Variants in LHPP observed in about 807,000 individuals in gnomAD.
The protein encoded by LHPP is phospholysine phosphohistidine inorganic pyrophosphate phosphatase.
A neutral mutation model predicts 30.3 loss-of-function variants in LHPP; 24 were observed. The observed-to-expected ratio is 0.79, with a 90% CI of 0.57 to 1.11. The LOEUF is 1.11. Among genes scored for constraint, LHPP ranks in the 50% most tolerant of loss-of-function variants. The pLI is 0.00. For synonymous variants in LHPP, 150 were observed against 157.1 expected, an observed-to-expected ratio of 0.95 and a Z score of 0.34; for missense variants, 356 against 367.2, an observed-to-expected ratio of 0.97 and a Z score of 0.25.
chr10:124,607,737 TTTTG>T (rs1203931937), intron 6 of LHPP, among the ~76,000 whole-genome samples: 2 of 152,026 alleles, frequency 1.3e-5, no homozygotes, highest in Non-Finnish European at 2.9e-5. Context: ...CTGGAAGAAT[TTTTG>T]TTCCGCTTCG....
chr10:124,557,357 T>A (rs2133966821), intron 6 of LHPP, among the ~76,000 whole-genome samples: 1 of 152,316 alleles, frequency 6.6e-6, no homozygotes, highest in Admixed American at 6.5e-5. Context: ...CACTCAGTAG[T>A]GCTCACCAAA....
chr10:124,613,514 TGCCCAGACCAACCAAGGCCCTGACA>T lies in LHPP; in HGVS notation c.*159_*183del, dbSNP rs555140388. ...CCTGCCTCCCCTCCACCTGCCCCAG[TGCCCAGACCAACCAAGGCCCTGACA>T]GCCCTGCCTTCTGCCCTCTGCCCTG... On this transcript the variant is annotated 3_prime_UTR_variant, in exon 7 of 7. Coordinates refer to ENST00000368842, the MANE Select transcript of LHPP (RefSeq NM_022126.4). The T allele has an allele frequency of 1.8e-3, 1,166 of 642,568 alleles. 6 individuals are homozygous for T. Among genetic ancestry groups the T allele is most frequent in the Middle Eastern group, 5.7e-3 (14 of 2,438 alleles). The allele number at this position is 642,568 out of a possible 1,614,324, so 39.8% of individuals were successfully genotyped here.
chr10:124,475,458 T>G (rs1952915741), intron 1 of LHPP, among the ~76,000 whole-genome samples: 1 of 151,786 alleles, frequency 6.6e-6, no homozygotes, highest in Admixed American at 6.6e-5. Flanking sequence ...GGAGGATCAC[T>G]TGAACCTGGG....
intron 5 of LHPP, among the ~76,000 whole-genome samples, chr10:124,500,603 C>T (rs925336168): frequency 1.3e-5 from 2 of 151,548 alleles, no homozygotes; most frequent in African/African-American, 4.9e-5. Flanking sequence ...GATGTAAATA[C>T]AATACATTAA....
intron 6 of LHPP, among the ~76,000 whole-genome samples, chr10:124,589,558 G>T (rs898412719): frequency 6.6e-6 from 1 of 152,214 alleles, no homozygotes; most frequent in Admixed American, 6.5e-5. Context: ...GCCGGGAGGA[G>T]CAGGACTGTT....
intron 1 of LHPP, among the ~76,000 whole-genome samples, chr10:124,463,628 G>A (rs1244911532): frequency 2.0e-5 from 3 of 152,046 alleles, no homozygotes; most frequent in Non-Finnish European, 1.5e-5. Flanking sequence ...CTTCTAAAGT[G>A]CTGGGATTAC....
Position 124,467,667 on chromosome 10 carries a change from A to G in LHPP, c.125+5680A>G, listed in dbSNP as rs550450933. 2.0e-3 allele frequency among the ~76,000 whole-genome samples: 302 copies of G among 151,030 alleles called. 2 individuals carry two copies. The highest frequency in any genetic ancestry group is 3.3e-3 in the Non-Finnish European group (226 of 67,828). Reference sequence around the variant, plus strand: ...TTCCCAGATAGCTGGGACTACAGGTATACCTCCACATGCAGGTTTTTCTTT... The same window carrying G: ...TTCCCAGATAGCTGGGACTACAGGTGTACCTCCACATGCAGGTTTTTCTTT... On this transcript the variant is annotated intron_variant, in intron 1 of 6. Coordinates refer to ENST00000368842, the MANE Select transcript of LHPP (RefSeq NM_022126.4).
chr10:124,602,333 C>T (rs1020371730), intron 6 of LHPP, among the ~76,000 whole-genome samples: 4 of 152,240 alleles, frequency 2.6e-5, no homozygotes, highest in Non-Finnish European at 5.9e-5. Flanking sequence ...CACATAGAGA[C>T]GCCACCCACA....
At chr10:124,529,387 C>T (rs922464830) in intron 6 of LHPP, among the ~76,000 whole-genome samples, 1 of 152,128 alleles carries the variant, frequency 6.6e-6, no homozygotes, top group African/African-American at 2.4e-5. Flanking sequence ...CATGCACCCA[C>T]CACTCACGAG....
intron 6 of LHPP, among the ~76,000 whole-genome samples, chr10:124,551,279 G>A (rs1036927685): frequency 1.3e-5 from 2 of 152,118 alleles, no homozygotes; most frequent in Admixed American, 6.5e-5. Flanking sequence ...GCTGGGGCAC[G>A]CCCCAGGTCC....
Position 124,523,581 on chromosome 10 carries a change from T to C in LHPP, c.716+6310T>C, listed in dbSNP as rs12767413. ...GATTTTTCTTCTGTGCTACGTGGAGTGTGAGGGAAGGAAGTGAAACTGGTG... is the reference window on the plus strand; with the variant it reads ...GATTTTTCTTCTGTGCTACGTGGAGCGTGAGGGAAGGAAGTGAAACTGGTG... On this transcript the variant is annotated intron_variant, in intron 6 of 6. Coordinates refer to ENST00000368842, the MANE Select transcript of LHPP (RefSeq NM_022126.4). The surrounding 1 kb of genome is among the most constrained non-coding windows in gnomAD (Gnocchi z 4.2). 0.12 allele frequency among the ~76,000 whole-genome samples: 17,719 copies of C among 151,758 alleles called. 1,429 individuals carry two copies. Among genetic ancestry groups the C allele is most frequent in the Non-Finnish European group, 0.16 (10,850 of 67,928 alleles).
chr10:124,522,424 G>A (rs1156886743), intron 6 of LHPP, among the ~76,000 whole-genome samples: 1 of 152,168 alleles, frequency 6.6e-6, no homozygotes, highest in African/African-American at 2.4e-5. Context: ...TGCCATGGGT[G>A]GCAAATCCTC....
At chr10:124,521,831 C>T (rs1954619030) in intron 6 of LHPP, among the ~76,000 whole-genome samples, 1 of 152,140 alleles carries the variant, frequency 6.6e-6, no homozygotes, top group South Asian at 2.1e-4. Context: ...CCAAGGTCTT[C>T]TAGTACGGAG....
At chr10:124,543,607 G>A (rs1390526765) in intron 6 of LHPP, among the ~76,000 whole-genome samples, 1 of 152,206 alleles carries the variant, frequency 6.6e-6, no homozygotes, top group African/African-American at 2.4e-5. Flanking sequence ...TGGTGGCGGC[G>A]GCTGGGCTGT....
intron 1 of LHPP, among the ~76,000 whole-genome samples, chr10:124,480,224 G>A (rs1466649742): frequency 2.0e-5 from 3 of 152,150 alleles, no homozygotes; most frequent in Non-Finnish European, 1.5e-5. Context: ...GGTGTGGTCC[G>A]GGGCGCAGAA....
chr10:124,582,096 T>TA (rs34592965), intron 6 of LHPP, among the ~76,000 whole-genome samples: 40,219 of 151,078 alleles, frequency 0.27, 5,353 homozygotes, highest in East Asian at 0.35. Context: ...TATATATATA[T>TA]TTTTTAAAGT....
chr10:124,481,378 T>TA (rs1320553284), intron 1 of LHPP, among the ~76,000 whole-genome samples: 5 of 121,728 alleles, frequency 4.1e-5, no homozygotes, highest in Non-Finnish European at 9.6e-5. Flanking sequence ...GCCCCCTTTT[T>TA]TTTTTTTTTT....
intron 6 of LHPP, among the ~76,000 whole-genome samples, chr10:124,586,670 C>T (rs541683733): frequency 8.5e-5 from 13 of 152,252 alleles, no homozygotes; most frequent in African/African-American, 9.6e-5. Context: ...CGAGAGGAGA[C>T]GACTTTCCAG....
chr10:124,512,732 A>T (rs1319323311), intron 5 of LHPP, among the ~76,000 whole-genome samples: 1 of 151,976 alleles, frequency 6.6e-6, no homozygotes, highest in Non-Finnish European at 1.5e-5. Context: ...CATTTTACAG[A>T]TGGAGGTGGA....
Sources: gnomAD v4.1 joint callset for allele counts (sites outside exome capture counted in the v4.1 genomes callset) on GRCh38, gnomAD v4.1.1 for gene constraint, Gnocchi (gnomAD v3.1) non-coding constraint, MANE v1.5 for transcripts, NCBI Gene and HGNC (gene_info 2026-07-23, HGNC 2026-07-21) for gene names.